ZDHHC14: variants seen among roughly 807,000 people sequenced by gnomAD.
ZDHHC14 encodes the protein palmitoyltransferase ZDHHC14.
Under a neutral mutation model 47.7 loss-of-function variants are expected in ZDHHC14, and 16 were observed. That is an observed-to-expected ratio of 0.34 (90% CI 0.23 to 0.51). The LOEUF (loss-of-function observed/expected upper bound fraction) is 0.51, where lower values mean the gene tolerates loss of function less well. Ranked by LOEUF, ZDHHC14 falls within the 20% of genes least tolerant of loss-of-function variation. The pLI is 0.97. For synonymous variants in ZDHHC14, 293 were observed against 278.9 expected (o/e 1.05, Z -0.50); for missense variants, 515 against 662.5 (o/e 0.78, Z 2.44).
chr6:157,658,793 G>T (rs949384152), intron 8 of ZDHHC14, among the ~76,000 whole-genome samples: 1 of 152,212 alleles, frequency 6.6e-6, no homozygotes, highest in Non-Finnish European at 1.5e-5. Context: ...TGAAGTCTTT[G>T]TCTGGTGTTG....
chr6:157,421,662 C>T (rs1778108606), intron 1 of ZDHHC14, among the ~76,000 whole-genome samples: 1 of 151,882 alleles, frequency 6.6e-6, no homozygotes, highest in Admixed American at 6.6e-5. Flanking sequence ...GGCTGGAATG[C>T]AGTGGCACAA....
chr6:157,483,717 T>TC (rs1407767827), intron 1 of ZDHHC14, among the ~76,000 whole-genome samples: 3 of 152,170 alleles, frequency 2.0e-5, no homozygotes, highest in African/African-American at 7.2e-5. Flanking sequence ...CCCCTTTGCA[T>TC]CCGTGGACCT....
At chr6:157,416,623 G>C (rs899013156) in intron 1 of ZDHHC14, among the ~76,000 whole-genome samples, 13 of 62,328 alleles carry the variant, frequency 2.1e-4, no homozygotes, top group African/African-American at 4.9e-4. Context: ...AGCCATGATT[G>C]TGCCACTGCA....
chr6:157,624,248 G>C (rs1785313436), intron 3 of ZDHHC14, among the ~76,000 whole-genome samples: 1 of 152,220 alleles, frequency 6.6e-6, no homozygotes, highest in South Asian at 2.1e-4. Flanking sequence ...CAGCTCTTTA[G>C]CTTCCGCTCC....
chr6:157,663,941 T>A (rs1383817715), intron 8 of ZDHHC14, among the ~76,000 whole-genome samples: 2 of 152,190 alleles, frequency 1.3e-5, no homozygotes, highest in African/African-American at 4.8e-5. Flanking sequence ...AGAGCTTAAG[T>A]ACAATTTTCT....
chr6:157,492,552 T>C lies in ZDHHC14; in HGVS notation c.246-50033T>C, dbSNP rs542185724. On this transcript the variant is annotated intron_variant, in intron 1 of 8. Transcript: ENST00000359775. ...CTCCTGCTCTTTTGTGCGCCAGGCATTAGACACAGAAGAGGAGGCGCTGTT... is the reference window on the plus strand; with the variant it reads ...CTCCTGCTCTTTTGTGCGCCAGGCACTAGACACAGAAGAGGAGGCGCTGTT... 1.8e-4 allele frequency among the ~76,000 whole-genome samples: 28 copies of C among 152,324 alleles called. 2 individuals carry two copies. The South Asian group carries it at 5.8e-3, about 32-fold the overall frequency.
At chr6:157,442,070 AAG>A (rs1436184554) in intron 1 of ZDHHC14, among the ~76,000 whole-genome samples, 1 of 152,198 alleles carries the variant, frequency 6.6e-6, no homozygotes, top group Non-Finnish European at 1.5e-5. Context: ...TGCTCTGTTG[AAG>A]AAATAGATTA....
intron 1 of ZDHHC14, among the ~76,000 whole-genome samples, chr6:157,538,854 G>A (rs1338607001): frequency 6.6e-6 from 1 of 152,216 alleles, no homozygotes; most frequent in Non-Finnish European, 1.5e-5. Context: ...TGGACAGGCA[G>A]CGCTGGCGGT....
intron 1 of ZDHHC14, among the ~76,000 whole-genome samples, chr6:157,495,076 T>G (rs1282118830): frequency 6.6e-6 from 1 of 152,162 alleles, no homozygotes; most frequent in Non-Finnish European, 1.5e-5. Context: ...TTTTTTTTAT[T>G]TTTTCATTTC....
At chr6:157,556,004 CG>C (rs1187618038) in intron 2 of ZDHHC14, among the ~76,000 whole-genome samples, 1 of 152,108 alleles carries the variant, frequency 6.6e-6, no homozygotes, top group Admixed American at 6.6e-5. Context: ...TCACAAGACA[CG>C]CAGGCCATGA....
At chr6:157,491,737 T>C (rs1456892261) in intron 1 of ZDHHC14, among the ~76,000 whole-genome samples, 1 of 152,164 alleles carries the variant, frequency 6.6e-6, no homozygotes, top group East Asian at 1.9e-4. Flanking sequence ...GGACGCCTTA[T>C]TGACAAGTGA....
chr6:157,546,417 A>T (rs2114812316), intron 2 of ZDHHC14, among the ~76,000 whole-genome samples: 1 of 152,284 alleles, frequency 6.6e-6, no homozygotes, highest in Admixed American at 6.5e-5. Flanking sequence ...CATCTGAGTA[A>T]TTTATTGAAG....
intron 3 of ZDHHC14, among the ~76,000 whole-genome samples, chr6:157,611,200 A>ATAT (rs1784737734): frequency 6.6e-6 from 1 of 152,042 alleles, no homozygotes; most frequent in Non-Finnish European, 1.5e-5. Flanking sequence ...GGGTTTCACC[A>ATAT]TATTGGCCAG....
At chr6:157,461,774 G>T (rs1243116757) in intron 1 of ZDHHC14, among the ~76,000 whole-genome samples, 1 of 152,196 alleles carries the variant, frequency 6.6e-6, no homozygotes, top group South Asian at 2.1e-4. Context: ...CCCTGTGGGG[G>T]ACGCCAGTTC....
At chr6:157,585,617 G>A (rs1414022096) in intron 2 of ZDHHC14, among the ~76,000 whole-genome samples, 1 of 152,170 alleles carries the variant, frequency 6.6e-6, no homozygotes, top group Non-Finnish European at 1.5e-5. Context: ...TGAAGCCCTG[G>A]GTTTCAAGCC....
intron 3 of ZDHHC14, among the ~76,000 whole-genome samples, chr6:157,608,264 C>T (rs921156799): frequency 3.3e-5 from 5 of 152,042 alleles, no homozygotes; most frequent in Non-Finnish European, 5.9e-5. Context: ...TATCCACTGA[C>T]GGCCGATTAT....
At chr6:157,489,540 C>T (rs1297994672) in intron 1 of ZDHHC14, among the ~76,000 whole-genome samples, 1 of 151,076 alleles carries the variant, frequency 6.6e-6, no homozygotes, top group Non-Finnish European at 1.5e-5. Flanking sequence ...TGTTGAGGCA[C>T]TGGGTGTAGG....
intron 2 of ZDHHC14, among the ~76,000 whole-genome samples, chr6:157,568,174 T>G (rs1582954100): frequency 6.6e-6 from 1 of 152,350 alleles, no homozygotes; most frequent in East Asian, 1.9e-4. Context: ...GGAACCAATT[T>G]CTTTTGCAAA....
chr6:157,634,394 T>A (rs1424775073), intron 5 of ZDHHC14, among the ~76,000 whole-genome samples: 1 of 152,194 alleles, frequency 6.6e-6, no homozygotes, highest in East Asian at 1.9e-4. Flanking sequence ...ATACCTGTGC[T>A]ATTAGGATCA....
Sources: gnomAD v4.1 joint callset for allele counts (sites outside exome capture counted in the v4.1 genomes callset) on GRCh38, gnomAD v4.1.1 for gene constraint, MANE v1.5 for transcripts, NCBI Gene and HGNC (gene_info 2026-07-23, HGNC 2026-07-21) for gene names.